The following OR11G2 variants were observed in gnomAD, a reference collection of about 807,000 sequenced individuals.
The protein encoded by OR11G2 is olfactory receptor family 11 subfamily G member 2.
A neutral mutation model predicts 0.9 loss-of-function variants in OR11G2; 2 were observed. The ratio of observed to expected loss-of-function variants is 2.35; its 90% CI spans 0.96 to 7.38. The LOEUF (loss-of-function observed/expected upper bound fraction) is 7.38. Among genes scored for constraint, OR11G2 ranks in the 30% most tolerant of loss-of-function variants. The probability of loss-of-function intolerance (pLI) is 0.05; values close to 1 mark genes in which losing one functional copy is unlikely to be tolerated. For synonymous variants in OR11G2, 153 were observed against 142.0 expected, an observed-to-expected ratio of 1.08 and a Z score of -0.55; for missense variants, 395 against 371.3, an observed-to-expected ratio of 1.06 and a Z score of -0.52.
chr14:20,193,399 AG>A (rs1879693673), intron 1 of OR11G2, among the ~76,000 whole-genome samples: 1 of 152,158 alleles, frequency 6.6e-6, no homozygotes, highest in South Asian at 2.1e-4. Context: ...AGGGGTTACA[AG>A]TTCCTCTCTG....
chr14:20,192,049 T>C (rs1879663503), intron 1 of OR11G2, among the ~76,000 whole-genome samples: 1 of 152,088 alleles, frequency 6.6e-6, no homozygotes, highest in Non-Finnish European at 1.5e-5. Context: ...CATATGACCA[T>C]ACCCGGCTAA....
intron 1 of OR11G2, among the ~76,000 whole-genome samples, chr14:20,194,279 G>T (rs1879709979): frequency 6.6e-6 from 1 of 152,186 alleles, no homozygotes; most frequent in South Asian, 2.1e-4. Context: ...GGCAAGAGTG[G>T]AAACAGGAAG....
Position 20,197,726 on chromosome 14 carries a change from T to C in OR11G2, c.289T>C (p.Ser97Pro). ...CTTCCTCTCTGACACCAAGATCATCTCGTTCTCTGGCTGCTTCCTCCAGTT... is the reference window on the plus strand; with the variant it reads ...CTTCCTCTCTGACACCAAGATCATCCCGTTCTCTGGCTGCTTCCTCCAGTT... ...ANFLSDTKII[S>P]FSGCFLQFYF... The change falls in exon 2 of 2, where the codon TCG (serine) becomes CCG (proline). Residue 97 changes from serine (S) to proline (P), a missense_variant. Transcript: ENST00000641879. 6.2e-7 allele frequency: 1 copy of C among 1,613,874 alleles called. No homozygotes were observed. Among genetic ancestry groups the C allele is most frequent in the Non-Finnish European group, 8.5e-7 (1 of 1,179,924 alleles).
At position 20,197,414 on chromosome 14, in the gene OR11G2, G is replaced by C; in HGVS notation, c.-4-20G>C. 6.2e-7 allele frequency: 1 copy of C among 1,612,544 alleles called. No individual in the cohort carries two copies. The highest frequency in any genetic ancestry group is 8.5e-7 in the Non-Finnish European group (1 of 1,178,866). On this transcript the variant is annotated intron_variant, in intron 1 of 1. Coordinates refer to ENST00000641879, the MANE Select transcript of OR11G2 (RefSeq NM_001386033.1). ...TTTGCACCGTCATTCAGTAATTGCTGGTGCTTTTACAATTCACAGGCACAT... is the reference window on the plus strand; with the variant it reads ...TTTGCACCGTCATTCAGTAATTGCTCGTGCTTTTACAATTCACAGGCACAT...
chr14:20,197,112 A>C (rs1243025615), intron 1 of OR11G2, among the ~76,000 whole-genome samples: 1 of 152,222 alleles, frequency 6.6e-6, no homozygotes, highest in Non-Finnish European at 1.5e-5. Flanking sequence ...TCTTGAAGGA[A>C]AGTGTTGTAA....
rs2139113126 is a variant in OR11G2, at chr14:20,197,603, G to A, written c.166G>A (p.Asp56Asn). The change falls in exon 2 of 2, where the codon GAT becomes AAT. Residue 56 changes from aspartate (D) to asparagine (N), a missense_variant. Transcript: ENST00000641879. Reference sequence around the variant, plus strand: ...TTCCATCATCTGTGCTGTGCACTGGGATCAGAGACTCCACGCCCCCATGTA... The same window carrying A: ...TTCCATCATCTGTGCTGTGCACTGGAATCAGAGACTCCACGCCCCCATGTA... The part of the protein sequence containing the change: ...NGSIICAVHW[D>N]QRLHAPMYIL... 6.2e-7 allele frequency: 1 copy of A among 1,614,104 alleles called. No homozygotes were observed. The highest frequency in any genetic ancestry group is 2.2e-5 in the East Asian group (1 of 44,878).
At position 20,198,177 on chromosome 14, in the gene OR11G2, C is replaced by T. The variant is rs1448290033; in HGVS notation, c.740C>T (p.Ser247Phe). The change falls in exon 2 of 2, where the codon TCT becomes TTT. Residue 247 changes from serine to phenylalanine, a missense_variant. Ser to Phe is a radical substitution (Grantham distance 155). Coordinates refer to ENST00000641879, the MANE Select transcript of OR11G2 (RefSeq NM_001386033.1). ...AGAAAGGCTTTCTCCACCTGTGGGTCTCACCTGGCTGTGGTTTCACTGTTC... is the reference window on the plus strand; with the variant it reads ...AGAAAGGCTTTCTCCACCTGTGGGTTTCACCTGGCTGTGGTTTCACTGTTC... ...GRRKAFSTCG[S>F]HLAVVSLFYG... is the part of the protein sequence containing the mutation. 1 of 1,614,144 alleles carries T rather than the reference C, an allele frequency of 6.2e-7. No individual in the cohort carries two copies. Among genetic ancestry groups the T allele is most frequent in the South Asian group, 1.1e-5 (1 of 91,074 alleles).
rs566989279 is a variant in OR11G2 at position 20,196,782 on chromosome 14, TG to T, written c.-4-650del. ...TTCTTTCAGCCTGGTCTACTGAGGATGGCTAGGACTGCTGTCCTAACACAAA... is the reference window on the plus strand; with the variant it reads ...TTCTTTCAGCCTGGTCTACTGAGGATGCTAGGACTGCTGTCCTAACACAAA... On this transcript the variant is annotated intron_variant, in intron 1 of 1. Coordinates refer to ENST00000641879, the MANE Select transcript of OR11G2 (RefSeq NM_001386033.1). Among the ~76,000 whole-genome samples, 16 of 152,366 alleles carry T rather than the reference TG, an allele frequency of 1.1e-4. No individual in the cohort carries two copies. In the East Asian group the frequency reaches 3.1e-3, roughly 29 times the overall value.
chr14:20,194,542 A>C (rs1187675815), intron 1 of OR11G2, among the ~76,000 whole-genome samples: 1 of 152,238 alleles, frequency 6.6e-6, no homozygotes, highest in Non-Finnish European at 1.5e-5. Flanking sequence ...TGTTGAGCAG[A>C]TGCTTACCCC....
intron 1 of OR11G2, 149 bp from the exon 2 acceptor site, chr14:20,197,285 C>T (rs1233496387): frequency 2.0e-6 from 2 of 986,790 alleles, no homozygotes; most frequent in South Asian, 3.4e-5. Context: ...TGACTATTGA[C>T]ATATCTGCAT....
chr14:20,192,694 C>T (rs1158071351), intron 1 of OR11G2, among the ~76,000 whole-genome samples: 1 of 152,138 alleles, frequency 6.6e-6, no homozygotes, highest in Admixed American at 6.5e-5. Context: ...AAATATCTAT[C>T]GATGTATTGT....
In OR11G2 at chr14:20,197,714, AC is replaced by A. The variant is rs750542228; in HGVS notation, c.279del (p.Lys94ArgfsTer47). Reference sequence around the variant, plus strand: ...CATGCTGGCCAACTTCCTCTCTGACACCAAGATCATCTCGTTCTCTGGCTGC... The same window carrying A: ...CATGCTGGCCAACTTCCTCTCTGACACAAGATCATCTCGTTCTCTGGCTGC... The part of the protein sequence containing the change: ...PSMLANFLSD[T>X]KIISFSGCFL... On this transcript the variant is annotated frameshift_variant, in exon 2 of 2. Coordinates refer to ENST00000641879, the MANE Select transcript of OR11G2 (RefSeq NM_001386033.1). LOFTEE classifies it low-confidence loss of function (END_TRUNC). The A allele has an allele frequency of 2.5e-6, 4 of 1,613,882 alleles. No homozygotes were observed. The highest frequency in any genetic ancestry group is 2.2e-5 in the South Asian group (2 of 91,066).
chr14:20,193,451 G>T (rs1478638132), intron 1 of OR11G2, among the ~76,000 whole-genome samples: 1 of 152,160 alleles, frequency 6.6e-6, no homozygotes, highest in Non-Finnish European at 1.5e-5. Context: ...AGCTTCTGTT[G>T]TTCCACAGTC....
Position 20,191,356 on chromosome 14 carries a change from C to T in OR11G2, c.-315C>T, listed in dbSNP as rs1879647588. ...AGCTAGCCTTGGGGAAAAAGTAAAA[C>T]ATCAGAGAAATGCTTTTGTCTCATA... On this transcript the variant is annotated 5_prime_UTR_variant, in exon 1 of 2. Transcript: ENST00000641879. 1 of 152,220 alleles carries T rather than the reference C, an allele frequency of 6.6e-6. No individual in the cohort carries two copies. The allele number at this position is 152,220 out of a possible 1,614,324, so 9.4% of individuals were successfully genotyped here.
In OR11G2 at chr14:20,199,544, C is replaced by T. The variant is rs913023150; in HGVS notation, c.*1171C>T. 1 of 152,244 alleles carries T rather than the reference C, an allele frequency of 6.6e-6. No homozygotes were observed. The highest frequency in any genetic ancestry group is 2.4e-5 in the African/African-American group (1 of 41,464). 9.4% of individuals were successfully genotyped at this position (152,244 alleles called of 1,614,324 possible). On this transcript the variant is annotated 3_prime_UTR_variant, in exon 2 of 2. Transcript: ENST00000641879. ...CATCTTGGACTGTAGCCCATGAAGG[C>T]TTGCCTATGTCAGTTGCTCTGAGTG... is the stretch of plus-strand genomic sequence containing the variant.
intron 1 of OR11G2, among the ~76,000 whole-genome samples, chr14:20,193,262 G>A (rs1209964912): frequency 2.0e-5 from 3 of 152,120 alleles, no homozygotes; most frequent in East Asian, 1.9e-4. Context: ...GGGATTACAG[G>A]TGGTGCGTGC....
At position 20,197,848 on chromosome 14, in the gene OR11G2, A is replaced by C. The variant is rs758904177; in HGVS notation, c.411A>C (p.Pro137=). The C allele has an allele frequency of 6.2e-6, 10 of 1,614,086 alleles. No homozygotes were observed. Among genetic ancestry groups the C allele is most frequent in the Non-Finnish European group, 8.5e-6 (10 of 1,180,016 alleles). ...CCATCTGTCGGCCTCTACGCTATCC[A>C]ACCATTATGACCAGACGTCTCTGTA... is the stretch of plus-strand genomic sequence containing the variant. ...YLAICRPLRY[P]TIMTRRLCTN... The change falls in exon 2 of 2, where the codon CCA becomes CCC. Residue 137 remains proline, a synonymous_variant. Coordinates refer to ENST00000641879, the MANE Select transcript of OR11G2 (RefSeq NM_001386033.1).
At position 20,198,075 on chromosome 14, in the gene OR11G2, T is replaced by C; in HGVS notation, c.638T>C (p.Met213Thr). 1.2e-6 allele frequency: 2 copies of C among 1,614,170 alleles called. No homozygotes were observed. The highest frequency in any genetic ancestry group is 1.7e-6 in the Non-Finnish European group (2 of 1,180,038). The change falls in exon 2 of 2, where the codon ATG becomes ACG. Residue 213 changes from methionine to threonine, a missense_variant. Transcript: ENST00000641879. ...FSVLSPLPVFMLFLFIVGSYA... is the reference protein window; with the variant it reads ...FSVLSPLPVFTLFLFIVGSYA... ...GTCTTAAGTCCTCTGCCTGTCTTTA[T>C]GCTCTTTCTCTTCATTGTGGGGTCC...
In OR11G2 at chr14:20,198,198, T is replaced by G; in HGVS notation, c.761T>G (p.Leu254Arg). The G allele has an allele frequency of 6.2e-7, 1 of 1,614,182 alleles. No homozygotes were observed. The highest frequency in any genetic ancestry group is 8.5e-7 in the Non-Finnish European group (1 of 1,180,032). Residue 254 changes from leucine to arginine, a missense_variant, in exon 2 of 2, where the codon CTG becomes CGG. By Grantham distance (102) the Leu-to-Arg change is moderately radical. Coordinates refer to ENST00000641879, the MANE Select transcript of OR11G2 (RefSeq NM_001386033.1). ...GGGTCTCACCTGGCTGTGGTTTCAC[T>G]GTTCTACGGCTCAGTACTGGTCATG... The part of the protein sequence containing the change: ...TCGSHLAVVS[L>R]FYGSVLVMYG...
Sources: gnomAD v4.1 joint callset for allele counts (sites outside exome capture counted in the v4.1 genomes callset) on GRCh38, gnomAD v4.1.1 for gene constraint, MANE v1.5 for transcripts, NCBI Gene and HGNC (gene_info 2026-07-23, HGNC 2026-07-21) for gene names.